PLXDC2: variants seen among roughly 807,000 people sequenced by gnomAD.
PLXDC2 encodes the protein plexin domain containing 2.
PLXDC2 carries 40 observed loss-of-function variants against 68.9 expected under a neutral mutation model. The ratio of observed to expected loss-of-function variants is 0.58; its 90% CI spans 0.45 to 0.76. The LOEUF is 0.76. PLXDC2 is among the 30% of genes least tolerant of loss of function. The pLI is 0.00. For missense variants in PLXDC2, 644 were observed against 661.9 expected (o/e 0.97, Z 0.30); for synonymous variants, 243 against 234.2 (o/e 1.04, Z -0.34).
At chr10:20,188,740 AAAGT>A (rs1488668528) in intron 9 of PLXDC2, among the ~76,000 whole-genome samples, 50 of 151,924 alleles carry the variant, frequency 3.3e-4, no homozygotes, top group African/African-American at 1.1e-3. Context: ...CTGATAAAAG[AAAGT>A]AAGAAGCTTT....
At chr10:19,853,093 T>C (rs1410659936) in intron 1 of PLXDC2, among the ~76,000 whole-genome samples, 1 of 152,194 alleles carries the variant, frequency 6.6e-6, no homozygotes, top group Non-Finnish European at 1.5e-5. Flanking sequence ...AGGTTACAGA[T>C]AAAGATAATA....
intron 6 of PLXDC2, among the ~76,000 whole-genome samples, chr10:20,150,467 G>C (rs1205768690): frequency 5.3e-5 from 8 of 152,070 alleles, no homozygotes; most frequent in Admixed American, 5.2e-4. Flanking sequence ...ATAACATCAG[G>C]GCTGTGTTTT....
intron 1 of PLXDC2, among the ~76,000 whole-genome samples, chr10:19,908,144 A>G (rs1833200964): frequency 6.6e-6 from 1 of 152,192 alleles, no homozygotes; most frequent in African/African-American, 2.4e-5. Flanking sequence ...GGATGTTTTT[A>G]TCATTAAAAT....
intron 1 of PLXDC2, among the ~76,000 whole-genome samples, chr10:19,844,311 C>T (rs954649068): frequency 2.2e-4 from 34 of 152,224 alleles, no homozygotes; most frequent in Admixed American, 2.2e-3. Flanking sequence ...GTTCCTATCC[C>T]AGCGGGTACA....
At chr10:19,845,812 G>C (rs553027097) in intron 1 of PLXDC2, among the ~76,000 whole-genome samples, 138 of 152,198 alleles carry the variant, frequency 9.1e-4, no homozygotes, top group African/African-American at 3.1e-3. Flanking sequence ...AGTAGCTTTT[G>C]GGTCATTGGG....
At chr10:19,892,299 G>A (rs982619898) in intron 1 of PLXDC2, among the ~76,000 whole-genome samples, 2 of 152,134 alleles carry the variant, frequency 1.3e-5, no homozygotes, top group South Asian at 2.1e-4. Flanking sequence ...GTGGCATGGT[G>A]GACTTGAAGG....
intron 2 of PLXDC2, among the ~76,000 whole-genome samples, chr10:20,015,007 C>T (rs572179080): frequency 2.6e-5 from 4 of 152,038 alleles, no homozygotes; most frequent in Non-Finnish European, 4.4e-5. Flanking sequence ...CAGAAAGAAT[C>T]GAGGAAGAGA....
At chr10:20,278,148 T>C (rs1836033290) in intron 13 of PLXDC2, among the ~76,000 whole-genome samples, 1 of 152,190 alleles carries the variant, frequency 6.6e-6, no homozygotes, top group African/African-American at 2.4e-5. Context: ...TATAGCACAA[T>C]GTCTTTATGT....
At chr10:19,854,248 C>G (rs1010692009) in intron 1 of PLXDC2, among the ~76,000 whole-genome samples, 2 of 152,214 alleles carry the variant, frequency 1.3e-5, no homozygotes, top group Non-Finnish European at 2.9e-5. Flanking sequence ...GTGTTTAGGA[C>G]AGTCTCTACA....
intron 1 of PLXDC2, among the ~76,000 whole-genome samples, chr10:19,967,858 A>G (rs1221783365): frequency 1.3e-5 from 2 of 152,156 alleles, no homozygotes; most frequent in Non-Finnish European, 2.9e-5. Context: ...CCTAATTAAG[A>G]CTATTATTTG....
At chr10:20,012,642 A>G (rs1835140215) in intron 2 of PLXDC2, among the ~76,000 whole-genome samples, 1 of 152,082 alleles carries the variant, frequency 6.6e-6, no homozygotes, top group Non-Finnish European at 1.5e-5. Flanking sequence ...GGGTCTCCTT[A>G]TAAAAATATT....
chr10:20,257,357 C>T (rs1835754419), intron 13 of PLXDC2, among the ~76,000 whole-genome samples: 1 of 152,094 alleles, frequency 6.6e-6, no homozygotes, highest in Non-Finnish European at 1.5e-5. Flanking sequence ...CATGAAGAAG[C>T]AAAAACTGCA....
At chr10:20,236,788 G>T (rs571288479) in intron 12 of PLXDC2, among the ~76,000 whole-genome samples, 1 of 152,062 alleles carries the variant, frequency 6.6e-6, no homozygotes, top group Non-Finnish European at 1.5e-5. Flanking sequence ...CTGCAGCCTT[G>T]ATCTCTTAAA....
chr10:20,177,356 C>T lies in PLXDC2; in HGVS notation c.1008C>T (p.Pro336=), dbSNP rs1834541209. The part of the protein sequence containing the change: ...PTCLQFNRCG[P]CVSSQIGFNC... ...GCCTCCAGTTTAACAGATGTGGCCC[C>T]TGTGTATCTTCTCAGATTGGCTTCA... The change falls in exon 9 of 14, where the codon CCC becomes CCT. Residue 336 remains proline, a synonymous_variant. Coordinates refer to ENST00000377252, the MANE Select transcript of PLXDC2 (RefSeq NM_032812.9). The T allele has an allele frequency of 1.2e-6, 2 of 1,605,118 alleles. No homozygotes were observed. Among genetic ancestry groups the T allele is most frequent in the Non-Finnish European group, 1.7e-6 (2 of 1,172,600 alleles).
At chr10:20,267,798 A>G (rs1231154316) in intron 13 of PLXDC2, among the ~76,000 whole-genome samples, 1 of 152,086 alleles carries the variant, frequency 6.6e-6, no homozygotes, top group African/African-American at 2.4e-5. Context: ...AGTTATTTTT[A>G]TAGGTTCTAA....
chr10:20,153,366 A>G (rs923789185), intron 6 of PLXDC2, among the ~76,000 whole-genome samples: 3 of 152,320 alleles, frequency 2.0e-5, no homozygotes, highest in African/African-American at 7.2e-5. Flanking sequence ...TTGCTTATAC[A>G]TTGGCAAATG....
At chr10:20,211,819 C>A (rs1310335623) in intron 10 of PLXDC2, 90 bp downstream of exon 10, 5 of 1,201,640 alleles carry the variant, frequency 4.2e-6, no homozygotes, top group East Asian at 2.5e-5. Context: ...AAAATTTATG[C>A]CCTAAAACTT....
rs542190373 is a variant in PLXDC2, at chr10:20,276,369, C to T, written c.1474-3334C>T. Among the ~76,000 whole-genome samples, 18 of 152,196 alleles carry T rather than the reference C, an allele frequency of 1.2e-4. No homozygotes were observed. In the South Asian group the frequency reaches 1.7e-3, roughly 14 times the overall value. On this transcript the variant is annotated intron_variant, in intron 13 of 13. Coordinates refer to ENST00000377252, the MANE Select transcript of PLXDC2 (RefSeq NM_032812.9). Reference sequence around the variant, plus strand: ...TGGATATTTTAGCTAATTGTCTTGTCGCAGACCTTTGAGTCAGACCTGGAT... The same window carrying T: ...TGGATATTTTAGCTAATTGTCTTGTTGCAGACCTTTGAGTCAGACCTGGAT...
At chr10:19,897,251 T>A (rs1838074320) in intron 1 of PLXDC2, among the ~76,000 whole-genome samples, 1 of 147,380 alleles carries the variant, frequency 6.8e-6, no homozygotes, top group South Asian at 2.2e-4. Context: ...TTTTTTTTGT[T>A]TTCTTGAGAC....
Sources: gnomAD v4.1 joint callset for allele counts (sites outside exome capture counted in the v4.1 genomes callset) on GRCh38, gnomAD v4.1.1 for gene constraint, MANE v1.5 for transcripts, NCBI Gene and HGNC (gene_info 2026-07-23, HGNC 2026-07-21) for gene names.